Variants in AFF3 observed in about 807,000 individuals in gnomAD.
The protein encoded by AFF3 is ALF transcription elongation factor 3.
AFF3 carries 32 observed loss-of-function variants against 129.7 expected under a neutral mutation model. The observed-to-expected ratio is 0.25, with a 90% CI of 0.19 to 0.33. The LOEUF is 0.33. Ranked by LOEUF, AFF3 falls within the 10% of genes least tolerant of loss-of-function variation. The pLI is 1.00. For missense variants in AFF3, 1,373 were observed against 1,592.0 expected, an observed-to-expected ratio of 0.86 and a Z score of 2.34; for synonymous variants, 644 against 635.4, an observed-to-expected ratio of 1.01 and a Z score of -0.20.
intron 8 of AFF3, among the ~76,000 whole-genome samples, chr2:99,755,178 C>T (rs1181675741): frequency 2.0e-5 from 3 of 152,048 alleles, no homozygotes; most frequent in Admixed American, 2.0e-4. Flanking sequence ...AGATGAGCTG[C>T]ATCTTTTTCT....
chr2:100,135,266 C>T (rs142954371), intron 1 of AFF3, among the ~76,000 whole-genome samples: 93 of 152,296 alleles, frequency 6.1e-4, no homozygotes, highest in Non-Finnish European at 1.0e-3. Context: ...TGCAATGTGA[C>T]ATTGTCACGC....
chr2:99,986,515 C>T (rs1053400991), intron 7 of AFF3, among the ~76,000 whole-genome samples: 4 of 151,978 alleles, frequency 2.6e-5, no homozygotes, highest in Non-Finnish European at 5.9e-5. Flanking sequence ...GATTTTCCTC[C>T]CCAAAGGTGC....
intron 8 of AFF3, among the ~76,000 whole-genome samples, chr2:99,756,164 GCC>G (rs1682081457): frequency 1.3e-5 from 2 of 152,156 alleles, no homozygotes; most frequent in South Asian, 2.1e-4. Context: ...CTTTAAATCA[GCC>G]TAATGGCTCC....
chr2:99,717,067 G>A (rs1301575497), intron 11 of AFF3, among the ~76,000 whole-genome samples: 1 of 152,144 alleles, frequency 6.6e-6, no homozygotes, highest in South Asian at 2.1e-4. Flanking sequence ...GCTATAGCGT[G>A]AGCAGTTTGT....
intron 12 of AFF3, among the ~76,000 whole-genome samples, chr2:99,655,241 C>CAT (rs1461988910): frequency 1.3e-5 from 2 of 151,414 alleles, no homozygotes; most frequent in Non-Finnish European, 3.0e-5. Flanking sequence ...CACACACACA[C>CAT]ACACACACAC....
At chr2:99,631,579 T>A (rs1683122205) in intron 13 of AFF3, among the ~76,000 whole-genome samples, 1 of 152,232 alleles carries the variant, frequency 6.6e-6, no homozygotes, top group Non-Finnish European at 1.5e-5. Context: ...CTCCAGATAC[T>A]GCATATAAGT....
At chr2:99,620,657 C>T (rs1452567750) in intron 13 of AFF3, among the ~76,000 whole-genome samples, 7 of 152,148 alleles carry the variant, frequency 4.6e-5, no homozygotes, top group African/African-American at 1.7e-4. Flanking sequence ...CCCAAAGACC[C>T]TCTGAAACTT....
chr2:99,583,827 C>T lies in AFF3; in HGVS notation c.2592-828G>A, dbSNP rs921885354. On this transcript the variant is annotated intron_variant, in intron 16 of 24. Coordinates refer to ENST00000672756, the MANE Select transcript of AFF3 (RefSeq NM_001386135.1). ...CCTGCCTCAGCCTCCCGAGGACTCC[C>T]GAGTAGCTGGGATTACAGGTGCCTG... 1.2e-4 allele frequency among the ~76,000 whole-genome samples: 18 copies of T among 151,982 alleles called. 1 individual carries two copies. The highest frequency in any genetic ancestry group is 2.4e-4 in the African/African-American group (10 of 41,394).
At chr2:100,115,992 AGTT>A (rs1691720501) in intron 2 of AFF3, among the ~76,000 whole-genome samples, 1 of 152,046 alleles carries the variant, frequency 6.6e-6, no homozygotes, top group Non-Finnish European at 1.5e-5. Flanking sequence ...ATTTTTTTCA[AGTT>A]ATTCTTTACA....
chr2:99,714,744 C>T (rs920225791), intron 11 of AFF3, among the ~76,000 whole-genome samples: 2 of 152,158 alleles, frequency 1.3e-5, no homozygotes, highest in African/African-American at 4.8e-5. Context: ...GTTAAATGCA[C>T]TTGCATAAAT....
At chr2:100,003,462 C>G (rs1681646205) in intron 7 of AFF3, among the ~76,000 whole-genome samples, 1 of 152,144 alleles carries the variant, frequency 6.6e-6, no homozygotes. Context: ...AGGGGCACTC[C>G]CAGGGAGGCT....
At chr2:99,909,545 T>C (rs925417885) in intron 7 of AFF3, among the ~76,000 whole-genome samples, 121 of 151,662 alleles carry the variant, frequency 8.0e-4, no homozygotes, top group African/African-American at 2.8e-3. Context: ...ACATGGCACA[T>C]GTATACATAT....
chr2:100,020,061 T>C (rs1683460676), intron 4 of AFF3, among the ~76,000 whole-genome samples: 1 of 152,168 alleles, frequency 6.6e-6, no homozygotes, highest in Non-Finnish European at 1.5e-5. Context: ...CAGCCACAGT[T>C]TTCTGCAAAG....
chr2:99,720,378 T>G (rs1274732189), intron 11 of AFF3, among the ~76,000 whole-genome samples: 1 of 151,980 alleles, frequency 6.6e-6, no homozygotes, highest in Non-Finnish European at 1.5e-5. Context: ...CCTGGAAGAG[T>G]AGGTTGTTAT....
chr2:99,954,793 T>A (rs945546945), intron 7 of AFF3, among the ~76,000 whole-genome samples: 18 of 147,844 alleles, frequency 1.2e-4, no homozygotes, highest in Admixed American at 6.0e-4. Context: ...GAGGGATAGC[T>A]TTAGGAGATA....
chr2:100,135,519 C>T (rs1000953176), intron 1 of AFF3, among the ~76,000 whole-genome samples: 22 of 152,104 alleles, frequency 1.4e-4, no homozygotes, highest in African/African-American at 4.8e-4. Context: ...GAATGAGATG[C>T]CACATGAAGA....
At chr2:99,702,298 G>A (rs1177636802) in intron 11 of AFF3, among the ~76,000 whole-genome samples, 1 of 152,046 alleles carries the variant, frequency 6.6e-6, no homozygotes, top group South Asian at 2.1e-4. Context: ...AGACATTCTG[G>A]TAGGTATGTA....
chr2:99,878,676 A>T (rs1406740834), intron 7 of AFF3, among the ~76,000 whole-genome samples: 2 of 152,242 alleles, frequency 1.3e-5, no homozygotes, highest in African/African-American at 4.8e-5. Flanking sequence ...AAGAGGTAAG[A>T]CATTTCCATC....
chr2:99,756,186 C>T (rs1398978442), intron 8 of AFF3, among the ~76,000 whole-genome samples: 13 of 152,160 alleles, frequency 8.5e-5, no homozygotes, highest in Admixed American at 6.5e-4. Flanking sequence ...CCTCCAAAAT[C>T]GCCTCCTGCC....
Sources: allele counts gnomAD v4.1 joint callset (sites outside exome capture counted in the v4.1 genomes callset), GRCh38; gene constraint gnomAD v4.1.1; transcripts MANE v1.5; gene names NCBI Gene and HGNC (gene_info 2026-07-23, HGNC 2026-07-21).